The following NCAM2 variants were observed in gnomAD, a reference collection of about 807,000 sequenced individuals.
NCAM2 encodes neural cell adhesion molecule 2.
Under a neutral mutation model 98.1 loss-of-function variants are expected in NCAM2, and 30 were observed. The observed-to-expected ratio is 0.31, with a 90% confidence interval of 0.23 to 0.41. The LOEUF (loss-of-function observed/expected upper bound fraction) is 0.41. NCAM2 is among the 10% of genes least tolerant of loss of function. NCAM2 has a pLI of 1.00. For missense variants in NCAM2, 867 were observed against 1,005.8 expected (o/e 0.86, Z 1.87); for synonymous variants, 368 against 342.4 (o/e 1.07, Z -0.83).
intron 1 of NCAM2, among the ~76,000 whole-genome samples, chr21:21,130,861 C>A (rs1423514991): frequency 6.6e-6 from 1 of 151,984 alleles, no homozygotes; most frequent in Non-Finnish European, 1.5e-5. Flanking sequence ...AATTTATTAC[C>A]ATTTTAGTTC....
At chr21:21,049,624 C>T (rs1367338743) in intron 1 of NCAM2, among the ~76,000 whole-genome samples, 1 of 151,858 alleles carries the variant, frequency 6.6e-6, no homozygotes, top group East Asian at 1.9e-4. Context: ...ATAATCCCAG[C>T]ACTTTGGGAG....
chr21:21,280,870 C>T (rs1051668758), intron 2 of NCAM2, among the ~76,000 whole-genome samples: 2 of 150,620 alleles, frequency 1.3e-5, no homozygotes, highest in Non-Finnish European at 3.0e-5. Context: ...CAATCTCCCC[C>T]TCCTGGGTTC....
At chr21:21,422,191 C>T (rs540016470) in intron 11 of NCAM2, among the ~76,000 whole-genome samples, 1 of 152,144 alleles carries the variant, frequency 6.6e-6, no homozygotes, top group Admixed American at 6.5e-5. Context: ...GGCCATTCAC[C>T]TAAGTGAAAC....
chr21:21,193,520 G>A (rs952085012), intron 1 of NCAM2, among the ~76,000 whole-genome samples: 15 of 139,306 alleles, frequency 1.1e-4, no homozygotes, highest in Non-Finnish European at 1.7e-4. Context: ...TTTTTGAGAC[G>A]GAGTCTCGCT....
At chr21:21,509,180 A>G (rs964618298) in intron 16 of NCAM2, 125 bp downstream of exon 16, 14 of 782,828 alleles carry the variant, frequency 1.8e-5, no homozygotes, top group Admixed American at 1.8e-4. Context: ...AACATTGGAC[A>G]CTGCACTGCC....
intron 8 of NCAM2, among the ~76,000 whole-genome samples, chr21:21,366,934 C>T (rs1294911278): frequency 1.3e-5 from 2 of 151,932 alleles, no homozygotes; most frequent in Non-Finnish European, 2.9e-5. Context: ...ATGTATGACT[C>T]CCTCAAAACC....
intron 16 of NCAM2, among the ~76,000 whole-genome samples, chr21:21,531,987 C>T (rs1246440204): frequency 7.7e-6 from 1 of 129,036 alleles, no homozygotes; most frequent in Non-Finnish European, 1.8e-5. Context: ...AGCAAGACTC[C>T]GTCTCAAAAA....
chr21:21,017,904 A>G (rs1198903761), intron 1 of NCAM2, among the ~76,000 whole-genome samples: 3 of 152,304 alleles, frequency 2.0e-5, no homozygotes, highest in East Asian at 3.9e-4. Context: ...TACAGATATT[A>G]CATATATATG....
At chr21:21,250,739 C>A (rs914452871) in intron 1 of NCAM2, among the ~76,000 whole-genome samples, 3 of 152,112 alleles carry the variant, frequency 2.0e-5, no homozygotes, top group Non-Finnish European at 4.4e-5. Context: ...TAATCTATGA[C>A]AGAAAATTTC....
intron 8 of NCAM2, among the ~76,000 whole-genome samples, chr21:21,355,614 T>A (rs1478758255): frequency 6.6e-6 from 1 of 150,762 alleles, no homozygotes; most frequent in Non-Finnish European, 1.5e-5. Flanking sequence ...TTATTGCTGT[T>A]ATTATTATTA....
At chr21:21,441,457 A>G (rs1157588244) in intron 12 of NCAM2, among the ~76,000 whole-genome samples, 1 of 152,242 alleles carries the variant, frequency 6.6e-6, no homozygotes, top group Non-Finnish European at 1.5e-5. Flanking sequence ...TACTTAGTAT[A>G]TACTATTAGT....
chr21:21,467,937 G>A (rs556839021), intron 13 of NCAM2, among the ~76,000 whole-genome samples: 1 of 151,956 alleles, frequency 6.6e-6, no homozygotes, highest in South Asian at 2.1e-4. Context: ...GGTCATGCCG[G>A]TTTAGAGATA....
Position 21,338,373 on chromosome 21 carries a change from T to C in NCAM2, c.899-16T>C, listed in dbSNP as rs1287560757. The C allele has an allele frequency of 6.9e-6, 11 of 1,602,012 alleles. No individual in the cohort carries two copies. Among genetic ancestry groups the C allele is most frequent in the East Asian group, 6.7e-5 (3 of 44,708 alleles). On this transcript the variant is annotated splice_polypyrimidine_tract_variant and intron_variant, in intron 7 of 17. Coordinates refer to ENST00000400546, the MANE Select transcript of NCAM2 (RefSeq NM_004540.5). ...TTCCTCCAATACCGGTTGAGTAATATATATATTCTTTACAGTACAGCCTCA... is the reference window on the plus strand; with the variant it reads ...TTCCTCCAATACCGGTTGAGTAATACATATATTCTTTACAGTACAGCCTCA...
intron 5 of NCAM2, among the ~76,000 whole-genome samples, chr21:21,301,930 T>C (rs1399660003): frequency 6.9e-6 from 1 of 145,342 alleles, no homozygotes. Context: ...TCACACCAGT[T>C]AGAATGGCAA....
chr21:21,522,632 C>CTTTTTTTTTTTT lies in NCAM2; in HGVS notation c.2283-11900_2283-11889dup, dbSNP rs61635255. The stretch of plus-strand genomic sequence containing the variant: ...AAGTTCTTTTTTTCTTTTTCTTTTT[C>CTTTTTTTTTTTT]TTTTTTTTTTTTTTTTGAGACAGAG... On this transcript the variant is annotated intron_variant, in intron 16 of 17. Transcript: ENST00000400546. Among the ~76,000 whole-genome samples, 8 of 124,748 alleles carry CTTTTTTTTTTTT rather than the reference C, an allele frequency of 6.4e-5. 1 individual carries two copies. Among genetic ancestry groups the CTTTTTTTTTTTT allele is most frequent in the South Asian group, 5.1e-4 (2 of 3,936 alleles). 81.8% of individuals were successfully genotyped at this position (124,748 alleles called of 152,430 possible).
chr21:21,322,149 A>AT (rs2074391376), intron 5 of NCAM2, among the ~76,000 whole-genome samples: 1 of 152,172 alleles, frequency 6.6e-6, no homozygotes, highest in Non-Finnish European at 1.5e-5. Flanking sequence ...CAAACATGAA[A>AT]TCATGTCCTT....
intron 1 of NCAM2, among the ~76,000 whole-genome samples, chr21:21,193,751 C>T (rs1466294899): frequency 1.3e-5 from 2 of 151,724 alleles, no homozygotes; most frequent in Admixed American, 6.6e-5. Context: ...ACCTCGGCCT[C>T]CCAAAGTGCT....
At chr21:21,320,427 A>G (rs972356464) in intron 5 of NCAM2, among the ~76,000 whole-genome samples, 4 of 152,144 alleles carry the variant, frequency 2.6e-5, no homozygotes, top group Non-Finnish European at 4.4e-5. Flanking sequence ...TGAGTTCCAG[A>G]AAAGTATTCT....
intron 1 of NCAM2, among the ~76,000 whole-genome samples, chr21:21,067,988 C>T (rs1204906789): frequency 6.6e-6 from 1 of 151,982 alleles, no homozygotes; most frequent in Non-Finnish European, 1.5e-5. Flanking sequence ...ATTTTTAAAG[C>T]TCAGTTTCTT....
Sources: gnomAD v4.1 joint callset for allele counts (sites outside exome capture counted in the v4.1 genomes callset) on GRCh38, gnomAD v4.1.1 for gene constraint, MANE v1.5 for transcripts, NCBI Gene and HGNC (gene_info 2026-07-23, HGNC 2026-07-21) for gene names.